PLXDC2: variants seen among roughly 807,000 people sequenced by gnomAD.
PLXDC2 encodes the protein plexin domain containing 2, also known as plexin domain-containing protein 2.
In PLXDC2, 40 loss-of-function variants were observed where a neutral mutation model predicts 68.9. The ratio of observed to expected loss-of-function variants is 0.58; its 90% confidence interval spans 0.45 to 0.76. The LOEUF is 0.76. PLXDC2 is among the 30% of genes least tolerant of loss of function. The pLI is 0.00. For synonymous variants in PLXDC2, 243 were observed against 234.2 expected (o/e 1.04, Z -0.34); for missense variants, 644 against 661.9 (o/e 0.97, Z 0.30).
intron 1 of PLXDC2, among the ~76,000 whole-genome samples, chr10:19,877,044 GACCTCA>G (rs1837645333): frequency 1.3e-5 from 2 of 152,206 alleles, no homozygotes; most frequent in Admixed American, 6.5e-5. Context: ...ATTTGAAGAT[GACCTCA>G]ATAAGTTGTT....
At chr10:20,222,174 C>T (rs960701931) in intron 12 of PLXDC2, among the ~76,000 whole-genome samples, 1 of 152,142 alleles carries the variant, frequency 6.6e-6, no homozygotes, top group African/African-American at 2.4e-5. Flanking sequence ...AAATGACTGC[C>T]TTTCCCTACA....
At chr10:20,218,040 G>A (rs1280553264) in intron 11 of PLXDC2, among the ~76,000 whole-genome samples, 1 of 151,898 alleles carries the variant, frequency 6.6e-6, no homozygotes, top group Non-Finnish European at 1.5e-5. Context: ...AAAATATATT[G>A]GTCTATAACC....
intron 3 of PLXDC2, 66 bp from the exon 4 acceptor site, chr10:20,068,104 G>A (rs1221497976): frequency 2.9e-5 from 39 of 1,354,990 alleles, no homozygotes; most frequent in Non-Finnish European, 3.3e-5. Context: ...TAAGTGAAAG[G>A]CTCTTCATTT....
intron 1 of PLXDC2, among the ~76,000 whole-genome samples, chr10:19,818,572 T>C (rs1347864274): frequency 2.6e-5 from 4 of 152,158 alleles, no homozygotes; most frequent in Non-Finnish European, 5.9e-5. Flanking sequence ...TGACAACACT[T>C]TTAAAGCTGA....
chr10:19,818,768 A>G (rs545619638), intron 1 of PLXDC2, among the ~76,000 whole-genome samples: 1 of 152,314 alleles, frequency 6.6e-6, no homozygotes, highest in South Asian at 2.1e-4. Context: ...GAAAGGACAC[A>G]GTTATTTAAA....
intron 1 of PLXDC2, among the ~76,000 whole-genome samples, chr10:19,937,957 G>A (rs1833756918): frequency 6.6e-6 from 1 of 152,064 alleles, no homozygotes; most frequent in Admixed American, 6.6e-5. Flanking sequence ...CATGGCTTTA[G>A]GCACAGGGTA....
At chr10:19,831,221 G>C (rs892612019) in intron 1 of PLXDC2, among the ~76,000 whole-genome samples, 1 of 151,886 alleles carries the variant, frequency 6.6e-6, no homozygotes, top group Admixed American at 6.6e-5. Context: ...TTCTCTGTTG[G>C]TTTTCTTGGG....
At chr10:19,957,682 T>C (rs1834092989) in intron 1 of PLXDC2, among the ~76,000 whole-genome samples, 1 of 152,166 alleles carries the variant, frequency 6.6e-6, no homozygotes, top group Non-Finnish European at 1.5e-5. Context: ...AAGTGACTCA[T>C]GCATTCATTT....
intron 4 of PLXDC2, among the ~76,000 whole-genome samples, chr10:20,073,084 AAC>A (rs1467751869): frequency 3.9e-5 from 6 of 152,182 alleles, no homozygotes; most frequent in African/African-American, 1.4e-4. Context: ...TTTAAGTAGA[AAC>A]ACAAAAGATG....
At chr10:19,866,946 G>T (rs1286739020) in intron 1 of PLXDC2, among the ~76,000 whole-genome samples, 1 of 152,114 alleles carries the variant, frequency 6.6e-6, no homozygotes, top group Non-Finnish European at 1.5e-5. Context: ...TAAAAAGTTG[G>T]GGTCAGCAGA....
At chr10:20,095,296 G>T (rs1833335497) in intron 4 of PLXDC2, among the ~76,000 whole-genome samples, 1 of 152,204 alleles carries the variant, frequency 6.6e-6, no homozygotes, top group African/African-American at 2.4e-5. Flanking sequence ...TACAGTATTA[G>T]ACAGTACAGG....
chr10:19,976,026 G>A lies in PLXDC2; in HGVS notation c.113-25749G>A, dbSNP rs778248957. 8.7e-4 allele frequency among the ~76,000 whole-genome samples: 132 copies of A among 152,100 alleles called. 1 individual carries two copies. Among genetic ancestry groups the A allele is most frequent in the Middle Eastern group, 6.8e-3 (2 of 294 alleles). On this transcript the variant is annotated intron_variant, in intron 1 of 13. Coordinates refer to ENST00000377252, the MANE Select transcript of PLXDC2 (RefSeq NM_032812.9). ...TAAAAATAAAAATAAAAAAGAATAC[G>A]TTGGAGATAAGTATCTCAGCCTTTG...
At chr10:20,086,326 CTTTATTTTAT>C (rs71893911) in intron 4 of PLXDC2, among the ~76,000 whole-genome samples, 3 of 150,320 alleles carry the variant, frequency 2.0e-5, no homozygotes, top group South Asian at 4.2e-4. Flanking sequence ...CACCTGACTA[CTTTATTTTAT>C]TTTATTTTAT....
At chr10:20,028,624 G>T (rs943941352) in intron 2 of PLXDC2, among the ~76,000 whole-genome samples, 1 of 152,138 alleles carries the variant, frequency 6.6e-6, no homozygotes, top group African/African-American at 2.4e-5. Context: ...GTTATACTAA[G>T]TCCTTCAGGG....
chr10:20,149,499 A>G (rs1176511471), intron 6 of PLXDC2, among the ~76,000 whole-genome samples: 2 of 151,954 alleles, frequency 1.3e-5, no homozygotes, highest in East Asian at 3.9e-4. Flanking sequence ...TCGGCCTCCC[A>G]AAGTGCTGGG....
chr10:20,210,735 A>G (rs1835058552), intron 9 of PLXDC2, among the ~76,000 whole-genome samples: 1 of 152,204 alleles, frequency 6.6e-6, no homozygotes. Context: ...ATGCACGTAG[A>G]GTGGAATCCA....
chr10:20,265,634 C>T (rs1019232335), intron 13 of PLXDC2, among the ~76,000 whole-genome samples: 12 of 152,028 alleles, frequency 7.9e-5, no homozygotes, highest in African/African-American at 1.9e-4. Context: ...ATATAAAGTA[C>T]TAGATACCTC....
At chr10:19,928,341 G>A (rs1833573133) in intron 1 of PLXDC2, among the ~76,000 whole-genome samples, 2 of 152,116 alleles carry the variant, frequency 1.3e-5, no homozygotes, top group Non-Finnish European at 2.9e-5. Context: ...AAGACTTTAG[G>A]TCTGGGGGAG....
chr10:20,276,355 G>A (rs1430873841), intron 13 of PLXDC2, among the ~76,000 whole-genome samples: 1 of 152,114 alleles, frequency 6.6e-6, no homozygotes, highest in African/African-American at 2.4e-5. Flanking sequence ...GGATATTTTA[G>A]CTAATTGTCT....
Sources: gnomAD v4.1 joint callset for allele counts (sites outside exome capture counted in the v4.1 genomes callset) on GRCh38, gnomAD v4.1.1 for gene constraint, MANE v1.5 for transcripts, NCBI Gene and HGNC (gene_info 2026-07-23, HGNC 2026-07-21) for gene names.